Variants in ANKS6 observed in about 807,000 individuals in gnomAD.
ANKS6 encodes ankyrin repeat and sterile alpha motif domain containing 6.
Under a neutral mutation model 77.9 loss-of-function variants are expected in ANKS6, and 47 were observed. The ratio of observed to expected loss-of-function variants is 0.60; its 90% CI spans 0.48 to 0.77. ANKS6 has a LOEUF of 0.77. Ranked by LOEUF, ANKS6 falls within the 30% of genes least tolerant of loss-of-function variation. The pLI is 0.00. For missense variants in ANKS6, 1,150 were observed against 1,159.1 expected, an observed-to-expected ratio of 0.99 and a Z score of 0.11; for synonymous variants, 488 against 501.7, an observed-to-expected ratio of 0.97 and a Z score of 0.37.
intron 13 of ANKS6, among the ~76,000 whole-genome samples, chr9:98,750,188 T>C (rs183895910): frequency 6.6e-6 from 1 of 152,304 alleles, no homozygotes; most frequent in East Asian, 1.9e-4. Context: ...CGCCTACTCC[T>C]CCACCCAACT....
Position 98,796,510 on chromosome 9 carries a change from C to A in ANKS6, c.-19G>T, listed in dbSNP as rs1588430729. 1.0e-6 allele frequency: 1 copy of A among 986,650 alleles called. No homozygotes were observed. Among genetic ancestry groups the A allele is most frequent in the South Asian group, 4.5e-5 (1 of 22,104 alleles). 61.1% of individuals were successfully genotyped at this position (986,650 alleles called of 1,614,324 possible). A position where few individuals can be genotyped will look rare whatever the true frequency, so the allele number is the denominator to read the frequency against. On this transcript the variant is annotated 5_prime_UTR_variant, in exon 1 of 15. Transcript: ENST00000353234. ...CGCCCATCGCCGCCGCCACGCGCGGCCCGCTCCCGTCCGCCCCGCCGGCCG... is the reference window on the plus strand; with the variant it reads ...CGCCCATCGCCGCCGCCACGCGCGGACCGCTCCCGTCCGCCCCGCCGGCCG...
chr9:98,764,759 T>C (rs1473226774), intron 11 of ANKS6, among the ~76,000 whole-genome samples: 2 of 152,236 alleles, frequency 1.3e-5, no homozygotes, highest in African/African-American at 4.8e-5. Flanking sequence ...TAGTTACCCA[T>C]ATGATCTTGC....
chr9:98,741,339 A>G (rs979430904), intron 14 of ANKS6, among the ~76,000 whole-genome samples: 1 of 152,188 alleles, frequency 6.6e-6, no homozygotes, highest in African/African-American at 2.4e-5. Flanking sequence ...TTATAATCCA[A>G]GCTACTCAAG....
In ANKS6 at chr9:98,773,857, T is replaced by G; in HGVS notation, c.1821+20A>C. 1 of 1,506,622 alleles carries G rather than the reference T, an allele frequency of 6.6e-7. No individual in the cohort carries two copies. Among genetic ancestry groups the G allele is most frequent in the African/African-American group, 1.4e-5 (1 of 71,926 alleles). The allele number at this position is 1,506,622 out of a possible 1,614,324, so 93.3% of individuals were successfully genotyped here. ...GTGAGCAGTGAGTGATGTGTAAAAG[T>G]GTGTCAGAAGACAACTTACAGTGTC... On this transcript the variant is annotated intron_variant, in intron 9 of 14. Coordinates refer to ENST00000353234, the MANE Select transcript of ANKS6 (RefSeq NM_173551.5).
At chr9:98,756,709 G>A (rs1832726918) in intron 11 of ANKS6, 106 bp from the exon 12 acceptor site, 1 of 944,942 alleles carries the variant, frequency 1.1e-6, no homozygotes, top group Non-Finnish European at 1.5e-6. Context: ...GATTCAACAT[G>A]ATGTTTAACC....
intron 2 of ANKS6, 58 bp downstream of exon 2, chr9:98,790,046 A>C: frequency 1.3e-6 from 2 of 1,514,950 alleles, no homozygotes; most frequent in Non-Finnish European, 1.8e-6. Flanking sequence ...CCTCAGCTTA[A>C]GCCACATAAA....
At chr9:98,784,811 A>C (rs1454434000) in intron 3 of ANKS6, 21 bp downstream of exon 3, 1 of 1,608,764 alleles carries the variant, frequency 6.2e-7, no homozygotes, top group Non-Finnish European at 8.5e-7. Context: ...AATATCCAAA[A>C]AGATTTTCTA....
chr9:98,775,152 C>T (rs550469160), intron 8 of ANKS6, among the ~76,000 whole-genome samples: 1 of 152,224 alleles, frequency 6.6e-6, no homozygotes, highest in Non-Finnish European at 1.5e-5. Context: ...AAACTCACAG[C>T]GACAAATCCA....
At chr9:98,756,112 C>A (rs977039840) in intron 12 of ANKS6, among the ~76,000 whole-genome samples, 1 of 152,120 alleles carries the variant, frequency 6.6e-6, no homozygotes, top group African/African-American at 2.4e-5. Flanking sequence ...CTGAAAGAAT[C>A]CTGACAGGTA....
intron 14 of ANKS6, among the ~76,000 whole-genome samples, chr9:98,739,527 T>A (rs1362804925): frequency 6.6e-6 from 1 of 152,084 alleles, no homozygotes; most frequent in African/African-American, 2.4e-5. Flanking sequence ...GGTTTCCTCA[T>A]CTACAAAAGA....
intron 11 of ANKS6, among the ~76,000 whole-genome samples, chr9:98,763,226 CCA>C (rs201476206): frequency 1.4e-5 from 1 of 73,850 alleles, no homozygotes; most frequent in Non-Finnish European, 3.2e-5. Flanking sequence ...GAGAAATTCA[CCA>C]AAAGAGATCA....
At chr9:98,757,614 TAA>T (rs1338670479) in intron 11 of ANKS6, among the ~76,000 whole-genome samples, 2 of 152,156 alleles carry the variant, frequency 1.3e-5, no homozygotes, top group African/African-American at 4.8e-5. Flanking sequence ...TTCTCCATTA[TAA>T]AGTCACTATT....
At chr9:98,776,334 C>T (rs995152604) in intron 8 of ANKS6, among the ~76,000 whole-genome samples, 13 of 151,900 alleles carry the variant, frequency 8.6e-5, no homozygotes, top group Non-Finnish European at 1.2e-4. Flanking sequence ...CACAGGACCA[C>T]TTGGAACAAA....
chr9:98,786,112 G>A, intron 2 of ANKS6, among the ~76,000 whole-genome samples: 1 of 151,902 alleles, frequency 6.6e-6, no homozygotes. Context: ...CCGAGTAGCT[G>A]GGATGACAGG....
At position 98,756,568 on chromosome 9, in the gene ANKS6, A is replaced by C; in HGVS notation, c.2178T>G (p.Thr726=). ...GAGAGGTGCTCTTGGAGGTAGTGGA[A>C]GTTCCAGATGGAGGCCTTTTGCTGG... ...LETSKRPPSG[T]STTSKSTSPT... Residue 726 remains threonine, a synonymous_variant, in exon 12 of 15, where the codon ACT becomes ACG. Coordinates refer to ENST00000353234, the MANE Select transcript of ANKS6 (RefSeq NM_173551.5). 1.9e-6 allele frequency: 3 copies of C among 1,561,218 alleles called. No homozygotes were observed. The highest frequency in any genetic ancestry group is 2.6e-6 in the Non-Finnish European group (3 of 1,157,008).
chr9:98,751,902 G>A (rs997239700), intron 12 of ANKS6, among the ~76,000 whole-genome samples: 1 of 152,128 alleles, frequency 6.6e-6, no homozygotes, highest in Non-Finnish European at 1.5e-5. Context: ...GCACTATAAT[G>A]AGATTTCATC....
chr9:98,745,734 A>T, intron 13 of ANKS6, 59 bp from the exon 14 acceptor site: 1 of 1,302,366 alleles, frequency 7.7e-7, no homozygotes, highest in Non-Finnish European at 1.1e-6. Context: ...CTTCCCAGTC[A>T]CAACAGCAAT....
intron 2 of ANKS6, among the ~76,000 whole-genome samples, chr9:98,787,714 C>G (rs1834651174): frequency 2.0e-5 from 3 of 152,158 alleles, no homozygotes; most frequent in Admixed American, 2.0e-4. Context: ...AAGAAAAGAG[C>G]CTTTATTATG....
rs1015361962 is a variant in ANKS6 at position 98,739,824 on chromosome 9, G to A, written c.2512-3201C>T. 5.6e-5 allele frequency among the ~76,000 whole-genome samples: 7 copies of A among 124,486 alleles called. No individual in the cohort carries two copies. In the South Asian group the frequency reaches 1.3e-3, roughly 24 times the overall value. 81.7% of individuals were successfully genotyped at this position (124,486 alleles called of 152,430 possible). A position where few individuals can be genotyped will look rare whatever the true frequency, so the allele number is the denominator to read the frequency against. ...GGCTGGAGTGCAGTGGCGCAATCTCGGCTCACTGCAGGCTCCGCCCCCTGG... is the reference window on the plus strand; with the variant it reads ...GGCTGGAGTGCAGTGGCGCAATCTCAGCTCACTGCAGGCTCCGCCCCCTGG... On this transcript the variant is annotated intron_variant, in intron 14 of 14. Coordinates refer to ENST00000353234, the MANE Select transcript of ANKS6 (RefSeq NM_173551.5).
Sources: allele counts gnomAD v4.1 joint callset (sites outside exome capture counted in the v4.1 genomes callset), GRCh38; gene constraint gnomAD v4.1.1; transcripts MANE v1.5; gene names NCBI Gene and HGNC (gene_info 2026-07-23, HGNC 2026-07-21).